Variants in SAMMSON observed in about 807,000 individuals in gnomAD.
SAMMSON encodes survival associated mitochondrial melanoma specific oncogenic non-coding RNA.
At chr3:70,248,078 T>C (rs1259054909) in intron 4 of SAMMSON, among the ~76,000 whole-genome samples, 1 of 152,036 alleles carries the variant, frequency 6.6e-6, no homozygotes, top group African/African-American at 2.4e-5. Flanking sequence ...TAACATTTAT[T>C]GAGTATGTAT....
chr3:70,247,894 T>G (rs1246216508), intron 4 of SAMMSON, among the ~76,000 whole-genome samples: 1 of 152,080 alleles, frequency 6.6e-6, no homozygotes, highest in East Asian at 1.9e-4. Flanking sequence ...TTTTATAAGT[T>G]TCTGTTTTCT....
intron 6 of SAMMSON, among the ~76,000 whole-genome samples, chr3:70,275,854 C>G (rs1040280846): frequency 2.0e-5 from 3 of 152,046 alleles, no homozygotes; most frequent in Admixed American, 1.3e-4. Flanking sequence ...TATGCTAAAA[C>G]CCATGTTGTA....
chr3:70,204,970 CCT>C (rs1701276768), intron 4 of SAMMSON: 1 of 152,052 alleles, frequency 6.6e-6, no homozygotes, highest in African/African-American at 2.4e-5. Context: ...TTTGTAGAGG[CCT>C]CTCTGCCATT....
At chr3:70,261,043 T>C (rs1451860001) in intron 6 of SAMMSON, among the ~76,000 whole-genome samples, 1 of 152,190 alleles carries the variant, frequency 6.6e-6, no homozygotes, top group East Asian at 1.9e-4. Context: ...GCACAAATTA[T>C]TCAAACAGTA....
chr3:70,343,626 T>C (rs1272740261), intron 7 of SAMMSON, among the ~76,000 whole-genome samples: 2 of 152,132 alleles, frequency 1.3e-5, no homozygotes. Context: ...TTAGCCTTGA[T>C]CACCTTGATA....
intron 8 of SAMMSON, among the ~76,000 whole-genome samples, chr3:70,356,882 G>A (rs1702833885): frequency 6.6e-6 from 1 of 151,934 alleles, no homozygotes; most frequent in Admixed American, 6.6e-5. Flanking sequence ...TTTGAGCACT[G>A]ACTTTATCCC....
At chr3:70,418,328 G>A (rs567671645) in intron 2 of SAMMSON, among the ~76,000 whole-genome samples, 44 of 152,170 alleles carry the variant, frequency 2.9e-4, no homozygotes, top group African/African-American at 9.2e-4. Flanking sequence ...ACCACTTCAG[G>A]TTACTCTCTG....
rs568912454 is a variant in SAMMSON at position 70,397,763 on chromosome 3, C to CCAA, written n.233+39440_233+39442dup. On this transcript the variant is annotated intron_variant and non_coding_transcript_variant, in intron 2 of 3. Coordinates refer to the SAMMSON transcript ENST00000641053. The stretch of plus-strand genomic sequence containing the variant: ...TCTAATTACCTTCAGAAACATGCTG[C>CCAA]CAATTTACACTCTCAACATCAGGAA... 5.5e-4 allele frequency among the ~76,000 whole-genome samples: 83 copies of CCAA among 152,102 alleles called. 1 individual carries two copies. The highest frequency in any genetic ancestry group is 6.8e-3 in the Middle Eastern group (2 of 294).
chr3:70,352,275 C>T (rs1702799880), intron 7 of SAMMSON, among the ~76,000 whole-genome samples: 1 of 152,074 alleles, frequency 6.6e-6, no homozygotes, highest in Non-Finnish European at 1.5e-5. Flanking sequence ...AGAGAAATGA[C>T]ACCTTACTTT....
intron 4 of SAMMSON, among the ~76,000 whole-genome samples, chr3:70,154,404 A>G (rs1249517659): frequency 6.6e-6 from 1 of 152,056 alleles, no homozygotes; most frequent in Non-Finnish European, 1.5e-5. Context: ...TGGCATAGCC[A>G]AGTCATAAGG....
At chr3:70,101,677 C>A (rs2067346844) in intron 4 of SAMMSON, among the ~76,000 whole-genome samples, 1 of 152,092 alleles carries the variant, frequency 6.6e-6, no homozygotes, top group African/African-American at 2.4e-5. Context: ...ATCTGGAGAG[C>A]CTTTTACCTC....
intron 6 of SAMMSON, among the ~76,000 whole-genome samples, chr3:70,278,219 A>G (rs1167038193): frequency 2.0e-5 from 3 of 152,104 alleles, no homozygotes; most frequent in Non-Finnish European, 4.4e-5. Context: ...TATTTGTCCA[A>G]CGTTTTGTCT....
At chr3:70,244,847 C>G (rs1311961384) in intron 4 of SAMMSON, among the ~76,000 whole-genome samples, 1 of 152,142 alleles carries the variant, frequency 6.6e-6, no homozygotes, top group African/African-American at 2.4e-5. Flanking sequence ...GCTCTGCTTA[C>G]AATTTGGGTG....
At chr3:70,124,325 A>G (rs572447442) in intron 4 of SAMMSON, among the ~76,000 whole-genome samples, 2 of 152,304 alleles carry the variant, frequency 1.3e-5, no homozygotes, top group South Asian at 2.1e-4. Flanking sequence ...GAACTAATGA[A>G]TAAACTTACA....
chr3:70,237,975 G>GTTT, intron 4 of SAMMSON, among the ~76,000 whole-genome samples: 1 of 22,136 alleles, frequency 4.5e-5, no homozygotes, highest in South Asian at 1.2e-3. Context: ...TAATTGAGTG[G>GTTT]TATCTTTTTT....
chr3:70,122,200 T>G (rs2067437451), intron 4 of SAMMSON, among the ~76,000 whole-genome samples: 1 of 152,210 alleles, frequency 6.6e-6, no homozygotes, highest in Non-Finnish European at 1.5e-5. Flanking sequence ...CTATTAATTT[T>G]CCTTTTTTGT....
intron 4 of SAMMSON, chr3:70,125,515 T>G: frequency 1.4e-6 from 1 of 707,010 alleles, no homozygotes; most frequent in Admixed American, 2.2e-5. Flanking sequence ...TCAAATTAGG[T>G]TTGGGAAAGA....
intron 6 of SAMMSON, among the ~76,000 whole-genome samples, chr3:70,263,146 A>G (rs1701884245): frequency 1.3e-5 from 2 of 152,038 alleles, no homozygotes; most frequent in South Asian, 2.1e-4. Context: ...TATAAACTCT[A>G]TATTTGTCAT....
intron 4 of SAMMSON, among the ~76,000 whole-genome samples, chr3:70,133,219 T>A (rs913681849): frequency 6.6e-6 from 1 of 152,108 alleles, no homozygotes; most frequent in Non-Finnish European, 1.5e-5. Context: ...GTTGTAACTT[T>A]CAGCCCCACT....
Sources: gnomAD v4.1 joint callset for allele counts (sites outside exome capture counted in the v4.1 genomes callset) on GRCh38, gnomAD v4.1.1 for gene constraint, MANE v1.5 for transcripts, NCBI Gene and HGNC (gene_info 2026-07-23, HGNC 2026-07-21) for gene names.